Variants in SCHIP1 observed in about 807,000 individuals in gnomAD.
SCHIP1 encodes the protein schwannomin interacting protein 1, also known as schwannomin-interacting protein 1.
A neutral mutation model predicts 29.7 loss-of-function variants in SCHIP1; 8 were observed. The ratio of observed to expected loss-of-function variants is 0.27; its 90% CI spans 0.16 to 0.49. The LOEUF (loss-of-function observed/expected upper bound fraction) is 0.49. Among genes scored for constraint, SCHIP1 ranks in the 20% least tolerant of loss-of-function variants. SCHIP1 has a pLI of 0.99. For synonymous variants in SCHIP1, 76 were observed against 94.9 expected (o/e 0.80, Z 1.16); for missense variants, 193 against 294.6 (o/e 0.66, Z 2.52).
At chr3:159,647,176 A>C in the SCHIP1 span, among the ~76,000 whole-genome samples, 1 of 152,148 alleles carries the variant, frequency 6.6e-6, no homozygotes, top group Non-Finnish European at 1.5e-5. Flanking sequence ...CAAAGGGGAA[A>C]GGTAGAAAGG....
the SCHIP1 span, among the ~76,000 whole-genome samples, chr3:159,345,192 A>G: frequency 1.4e-5 from 2 of 146,872 alleles, no homozygotes; most frequent in Non-Finnish European, 1.5e-5. Context: ...GTGACACTGC[A>G]CTCCAGCCTG....
the SCHIP1 span, among the ~76,000 whole-genome samples, chr3:159,478,910 G>A: frequency 2.6e-4 from 40 of 152,096 alleles, no homozygotes; most frequent in Non-Finnish European, 1.8e-4. Context: ...TGACGATTTT[G>A]TATCCTGCAA....
the SCHIP1 span, among the ~76,000 whole-genome samples, chr3:159,727,749 T>C: frequency 1.3e-5 from 2 of 152,120 alleles, no homozygotes; most frequent in Non-Finnish European, 2.9e-5. Flanking sequence ...GTTTCCTGCC[T>C]ATATTTTTAT....
At chr3:159,342,228 T>C in the SCHIP1 span, among the ~76,000 whole-genome samples, 1 of 152,190 alleles carries the variant, frequency 6.6e-6, no homozygotes, top group African/African-American at 2.4e-5. Flanking sequence ...GCATTTTGAC[T>C]AATCTAGAAC....
At chr3:159,607,495 T>C in the SCHIP1 span, among the ~76,000 whole-genome samples, 1 of 152,174 alleles carries the variant, frequency 6.6e-6, no homozygotes, top group Non-Finnish European at 1.5e-5. Flanking sequence ...CAGTTGTTCT[T>C]GCTGGTAAAA....
At chr3:159,410,191 G>A in the SCHIP1 span, among the ~76,000 whole-genome samples, 1 of 151,808 alleles carries the variant, frequency 6.6e-6, no homozygotes, top group African/African-American at 2.4e-5. Flanking sequence ...AAAACATTGG[G>A]GAAACTCTCC....
chr3:159,580,530 T>C, the SCHIP1 span, among the ~76,000 whole-genome samples: 20 of 152,192 alleles, frequency 1.3e-4, 1 homozygote, highest in Admixed American at 1.0e-3. Flanking sequence ...CTTTACAAGA[T>C]TGAAATGTCT....
the SCHIP1 span, among the ~76,000 whole-genome samples, chr3:159,504,504 C>T: frequency 1.3e-5 from 2 of 152,022 alleles, no homozygotes; most frequent in Admixed American, 1.3e-4. Context: ...AAACTAATTC[C>T]AATAAGTCTG....
At chr3:159,764,297 G>A in the SCHIP1 span, 20 of 931,946 alleles carry the variant, frequency 2.1e-5, 1 homozygote, top group South Asian at 4.6e-4. This position sits in a 1 kb window ranked among gnomAD's most constrained non-coding sequence, Gnocchi z 6.1. Flanking sequence ...GCTGGTGCTG[G>A]CTCCCGCCCC....
chr3:159,531,737 A>T, the SCHIP1 span, among the ~76,000 whole-genome samples: 8 of 152,212 alleles, frequency 5.3e-5, no homozygotes, highest in African/African-American at 1.9e-4. Flanking sequence ...GTAATGCTAT[A>T]TGAGTTCAAG....
At chr3:159,504,906 C>T in the SCHIP1 span, among the ~76,000 whole-genome samples, 1 of 152,058 alleles carries the variant, frequency 6.6e-6, no homozygotes, top group African/African-American at 2.4e-5. Flanking sequence ...ATGGAGGATG[C>T]CAGGGATGCC....
the SCHIP1 span, among the ~76,000 whole-genome samples, chr3:159,453,766 C>G: frequency 2.0e-5 from 3 of 152,184 alleles, no homozygotes; most frequent in Non-Finnish European, 4.4e-5. Flanking sequence ...TTCCTTTAAA[C>G]CACCCACCTA....
At chr3:159,764,674 G>A in the SCHIP1 span, 1 of 1,589,672 alleles carries the variant, frequency 6.3e-7, no homozygotes, top group Non-Finnish European at 8.6e-7. This position sits in a 1 kb window ranked among gnomAD's most constrained non-coding sequence, Gnocchi z 6.1. Flanking sequence ...GGAGGACGGG[G>A]AGGAGGAGGA....
chr3:159,312,097 C>T, the SCHIP1 span, among the ~76,000 whole-genome samples: 1 of 152,094 alleles, frequency 6.6e-6, no homozygotes, highest in Non-Finnish European at 1.5e-5. Context: ...AGCATGCTTG[C>T]TTGGTTTTGG....
the SCHIP1 span, among the ~76,000 whole-genome samples, chr3:159,657,646 C>T: frequency 2.0e-5 from 3 of 152,230 alleles, no homozygotes; most frequent in East Asian, 3.8e-4. Flanking sequence ...GGCCCTGAAC[C>T]TTCCAGGCGT....
chr3:159,430,976 G>A, the SCHIP1 span, among the ~76,000 whole-genome samples: 1 of 152,190 alleles, frequency 6.6e-6, no homozygotes, highest in Admixed American at 6.5e-5. Context: ...ATAAGCTGGA[G>A]TTGAAGCCAA....
At chr3:159,883,704 G>A (rs1716675371) in intron 2 of SCHIP1, among the ~76,000 whole-genome samples, 1 of 152,142 alleles carries the variant, frequency 6.6e-6, no homozygotes, top group Non-Finnish European at 1.5e-5. Flanking sequence ...TAACATTCTT[G>A]GTGATTACCA....
chr3:159,644,842 C>T, the SCHIP1 span, among the ~76,000 whole-genome samples: 73 of 152,170 alleles, frequency 4.8e-4, no homozygotes, highest in African/African-American at 1.8e-3. Flanking sequence ...ATATTGAACA[C>T]CTACCATATG....
the SCHIP1 span, among the ~76,000 whole-genome samples, chr3:159,445,545 A>G: frequency 6.6e-6 from 1 of 152,162 alleles, no homozygotes; most frequent in Non-Finnish European, 1.5e-5. Context: ...CCAAAGGACT[A>G]TAAATTATGC....
Sources: gnomAD v4.1 joint callset for allele counts (sites outside exome capture counted in the v4.1 genomes callset) on GRCh38, gnomAD v4.1.1 for gene constraint, Gnocchi (gnomAD v3.1) non-coding constraint, MANE v1.5 for transcripts, NCBI Gene and HGNC (gene_info 2026-07-23, HGNC 2026-07-21) for gene names.